Variants in PAQR4 observed in about 807,000 individuals in gnomAD.
PAQR4 encodes the protein progestin and adipoQ receptor family member 4.
Under a neutral mutation model 20.9 loss-of-function variants are expected in PAQR4, and 26 were observed. The observed-to-expected ratio is 1.24, with a 90% CI of 0.91 to 1.73. The LOEUF (loss-of-function observed/expected upper bound fraction) is 1.73. Among genes scored for constraint, PAQR4 ranks in the 40% most tolerant of loss-of-function variants. The pLI, the probability that PAQR4 is intolerant of heterozygous loss-of-function variation, is 0.00. For synonymous variants in PAQR4, 193 were observed against 171.6 expected, an observed-to-expected ratio of 1.12 and a Z score of -0.97; for missense variants, 400 against 380.1, an observed-to-expected ratio of 1.05 and a Z score of -0.44.
chr16:2,971,711 G>A lies in PAQR4; in HGVS notation c.585G>A (p.Leu195=), dbSNP rs35149676. ...TATTTGGGGCCCGGGGAGTGGGTCT[G>A]GGTTCAGGGGCTCCAGGCTCCCTGC... ...LLVFGARGVG[L]GSGAPGSLPC... The change falls in exon 3 of 3, where the codon CTG becomes CTA. Residue 195 remains leucine, a synonymous_variant. Coordinates refer to ENST00000318782, the MANE Select transcript of PAQR4 (RefSeq NM_152341.5). The A allele has an allele frequency of 6.2e-7, 1 of 1,612,508 alleles. No individual in the cohort carries two copies. The highest frequency in any genetic ancestry group is 8.5e-7 in the Non-Finnish European group (1 of 1,179,732).
Position 2,971,331 on chromosome 16 carries a change from G to C in PAQR4, c.341G>C (p.Arg114Pro), listed in dbSNP as rs754531674. The C allele has an allele frequency of 6.2e-7, 1 of 1,611,826 alleles. No homozygotes were observed. Among genetic ancestry groups the C allele is most frequent in the Non-Finnish European group, 8.5e-7 (1 of 1,180,008 alleles). The change falls in exon 2 of 3, where the codon CGG (arginine) becomes CCG (proline). Residue 114 changes from arginine (R) to proline (P), a missense_variant. Arg to Pro is a moderately radical substitution (Grantham distance 103). Transcript: ENST00000318782. ...CAAGGGGGCAGCGCTGTGTACGCCC[G>C]GCTCCTCGCCCTGGACATGTGTGGG... ...CHQGGSAVYA[R>P]LLALDMCGVC...
At chr16:2,971,086 T>G in intron 1 of PAQR4, 71 bp from the exon 2 acceptor site, 1 of 1,457,266 alleles carries the variant, frequency 6.9e-7, no homozygotes, top group Non-Finnish European at 9.5e-7. Flanking sequence ...CTGTCCTGTG[T>G]TGTGTCTGAA....
rs1418056540 is a variant in PAQR4, at chr16:2,972,638, G to T, written c.*690G>T. 1 of 1,535,656 alleles carries T rather than the reference G, an allele frequency of 6.5e-7. No individual in the cohort carries two copies. On this transcript the variant is annotated 3_prime_UTR_variant, in exon 3 of 3. Transcript: ENST00000318782. ...CCCAACAGCTCCAGGTACCCACCGG[G>T]GGATGTGCCTGCTCAGGAAACCTCT...
Position 2,972,017 on chromosome 16 carries a change from C to T in PAQR4, c.*69C>T, listed in dbSNP as rs2072010279. ...ACACCAGGTGTTCCTCCCAACTCGT[C>T]TGCAAGGGGCTGGCTCCTTGGATGC... On this transcript the variant is annotated 3_prime_UTR_variant, in exon 3 of 3. Coordinates refer to ENST00000318782, the MANE Select transcript of PAQR4 (RefSeq NM_152341.5). The T allele has an allele frequency of 1.4e-6, 2 of 1,413,144 alleles. No homozygotes were observed. The highest frequency in any genetic ancestry group is 2.4e-5 in the East Asian group (1 of 41,044). 87.5% of individuals were successfully genotyped at this position (1,413,144 alleles called of 1,614,324 possible).
At position 2,971,364 on chromosome 16, in the gene PAQR4, T is replaced by C. The variant is rs2071983715; in HGVS notation, c.374T>C (p.Leu125Pro). ...LLALDMCGVC[L>P]VNTLGALPII... ...GCCCTGGACATGTGTGGGGTCTGCC[T>C]TGTCAACACCCTTGGTGAGTCAGGG... Residue 125 changes from leucine (L) to proline (P), a missense_variant, in exon 2 of 3, where the codon CTT becomes CCT. By Grantham distance (98) the Leu-to-Pro change is moderately conservative. Coordinates refer to ENST00000318782, the MANE Select transcript of PAQR4 (RefSeq NM_152341.5). The C allele has an allele frequency of 6.2e-7, 1 of 1,609,654 alleles. No individual in the cohort carries two copies. Among genetic ancestry groups the C allele is most frequent in the Non-Finnish European group, 8.5e-7 (1 of 1,179,932 alleles).
At position 2,972,755 on chromosome 16, in the gene PAQR4, C is replaced by G. The variant is rs776639117; in HGVS notation, c.*807C>G. On this transcript the variant is annotated 3_prime_UTR_variant, in exon 3 of 3. Transcript: ENST00000318782. ...GCTCAGCCTCAGGGGCGTTAAGACCCTGGATGACATCAATAAAGGGACAGG... is the reference window on the plus strand; with the variant it reads ...GCTCAGCCTCAGGGGCGTTAAGACCGTGGATGACATCAATAAAGGGACAGG... 3.4e-5 allele frequency: 52 copies of G among 1,538,394 alleles called. No homozygotes were observed. The highest frequency in any genetic ancestry group is 4.4e-5 in the Non-Finnish European group (50 of 1,146,770).
In PAQR4 at chr16:2,972,385, C is replaced by A. The variant is rs758079203; in HGVS notation, c.*437C>A. 1.2e-4 allele frequency: 67 copies of A among 547,638 alleles called. No individual in the cohort carries two copies. The highest frequency in any genetic ancestry group is 1.7e-4 in the Non-Finnish European group (53 of 308,232). The allele number at this position is 547,638 out of a possible 1,614,324, so 33.9% of individuals were successfully genotyped here. A position where few individuals can be genotyped will look rare whatever the true frequency, so the allele number is the denominator to read the frequency against. Reference sequence around the variant, plus strand: ...TCCATCTTTCTGCCCTGCATACCAGCCCTCCCAGCAGCCACAAGCTTGCCC... The same window carrying A: ...TCCATCTTTCTGCCCTGCATACCAGACCTCCCAGCAGCCACAAGCTTGCCC... On this transcript the variant is annotated 3_prime_UTR_variant, in exon 3 of 3. Coordinates refer to ENST00000318782, the MANE Select transcript of PAQR4 (RefSeq NM_152341.5).
intron 1 of PAQR4, among the ~76,000 whole-genome samples, chr16:2,970,474 C>A (rs551209310): frequency 1.3e-5 from 2 of 152,230 alleles, no homozygotes; most frequent in African/African-American, 4.8e-5. Flanking sequence ...CCCCGTTTGG[C>A]CCCTGGGAGG....
In PAQR4 at chr16:2,971,302, C is replaced by T; in HGVS notation, c.312C>T (p.Cys104=). 1 of 1,612,784 alleles carries T rather than the reference C, an allele frequency of 6.2e-7. No individual in the cohort carries two copies. ...AGSVLYHLFM[C]HQGGSAVYAR... The stretch of plus-strand genomic sequence containing the variant: ...CCGTGCTCTATCACCTCTTTATGTG[C>T]CACCAAGGGGGCAGCGCTGTGTACG... Residue 104 remains cysteine, a synonymous_variant, in exon 2 of 3, where the codon TGC becomes TGT. Coordinates refer to ENST00000318782, the MANE Select transcript of PAQR4 (RefSeq NM_152341.5).
chr16:2,969,498 C>A lies in PAQR4; in HGVS notation c.-177C>A, dbSNP rs2071919953. The A allele has an allele frequency of 3.9e-6, 2 of 512,058 alleles. No homozygotes were observed. Among genetic ancestry groups the A allele is most frequent in the African/African-American group, 4.1e-5 (2 of 49,180 alleles). The allele number at this position is 512,058 out of a possible 1,614,324, so 31.7% of individuals were successfully genotyped here. On this transcript the variant is annotated 5_prime_UTR_variant, in exon 1 of 3. Transcript: ENST00000318782. ...GGGCGACGGACTCGCGCGTGCGCAG[C>A]GCCGGAGGGGCGCGGGCTGGGACCC...
In PAQR4 at chr16:2,971,373, C is replaced by T. The variant is rs1006764047; in HGVS notation, c.383C>T (p.Thr128Ile). Residue 128 changes from threonine (T) to isoleucine (I), a missense_variant, in exon 2 of 3, where the codon ACC becomes ATC. Physicochemically the swap from Thr to Ile is moderately conservative, Grantham distance 89 (BLOSUM62 -1). Coordinates refer to ENST00000318782, the MANE Select transcript of PAQR4 (RefSeq NM_152341.5). ...LDMCGVCLVN[T>I]LGALPIIHCT... is the part of the protein sequence containing the mutation. ...ATGTGTGGGGTCTGCCTTGTCAACA[C>T]CCTTGGTGAGTCAGGGCCCAAGGGA... 1.9e-6 allele frequency: 3 copies of T among 1,608,144 alleles called. No homozygotes were observed. The highest frequency in any genetic ancestry group is 1.7e-4 in the Middle Eastern group (1 of 6,058).
Position 2,973,441 on chromosome 16 carries a change from A to G in PAQR4, c.*1493A>G, listed in dbSNP as rs1417515793. On this transcript the variant is annotated 3_prime_UTR_variant, in exon 3 of 3. Coordinates refer to ENST00000318782, the MANE Select transcript of PAQR4 (RefSeq NM_152341.5). Reference sequence around the variant, plus strand: ...GCCCCCTCTGTCCTTTTCAGAACACATGGACTTGGAGGCAGATTTGAAATA... The same window carrying G: ...GCCCCCTCTGTCCTTTTCAGAACACGTGGACTTGGAGGCAGATTTGAAATA... 7 of 1,527,712 alleles carry G rather than the reference A, an allele frequency of 4.6e-6. No individual in the cohort carries two copies. In the Admixed American group the frequency reaches 9.9e-5, roughly 22 times the overall value. 94.6% of individuals were successfully genotyped at this position (1,527,712 alleles called of 1,614,324 possible).
At chr16:2,970,432 C>T (rs1005155209) in intron 1 of PAQR4, among the ~76,000 whole-genome samples, 1 of 152,242 alleles carries the variant, frequency 6.6e-6, no homozygotes, top group South Asian at 2.1e-4. Flanking sequence ...TTTGCCAGGC[C>T]ACATTCTCAC....
rs771735329 is a variant in PAQR4 at position 2,971,904 on chromosome 16, C to A, written c.778C>A (p.Pro260Thr). 2.0e-5 allele frequency: 32 copies of A among 1,605,556 alleles called. No individual in the cohort carries two copies. Among genetic ancestry groups the A allele is most frequent in the Non-Finnish European group, 2.7e-5 (32 of 1,179,250 alleles). ...SILQLHAGVVPDLLWAAHHAC... is the reference protein window; with the variant it reads ...SILQLHAGVVTDLLWAAHHAC... ...CCTGCAGCTGCACGCCGGCGTCGTG[C>A]CCGACCTGCTCTGGGCTGCCCACCA... is the stretch of plus-strand genomic sequence containing the variant. The change falls in exon 3 of 3, where the codon CCC becomes ACC. Residue 260 changes from proline (P) to threonine (T), a missense_variant. Coordinates refer to ENST00000318782, the MANE Select transcript of PAQR4 (RefSeq NM_152341.5).
rs2072023001 is a variant in PAQR4, at chr16:2,972,502, C to T, written c.*554C>T. 9.7e-7 allele frequency: 1 copy of T among 1,034,180 alleles called. No homozygotes were observed. The highest frequency in any genetic ancestry group is 1.4e-6 in the Non-Finnish European group (1 of 726,798). The allele number at this position is 1,034,180 out of a possible 1,614,324, so 64.1% of individuals were successfully genotyped here. On this transcript the variant is annotated 3_prime_UTR_variant, in exon 3 of 3. Coordinates refer to ENST00000318782, the MANE Select transcript of PAQR4 (RefSeq NM_152341.5). ...GGACCCGTCTTGTACCAGCTGGCCA[C>T]AGGCACAAGGGCTGCAGCTGCTTCT...
chr16:2,969,843 G>C lies in PAQR4; in HGVS notation c.166+3G>C, dbSNP rs770282739. The C allele has an allele frequency of 1.9e-6, 3 of 1,609,564 alleles. No individual in the cohort carries two copies. In the African/African-American group the frequency reaches 4.0e-5, roughly 22 times the overall value. ...ACTGGGCAACATCTACACGCACGGTGAGCCGCGTCCCGCAACGCGCTTCCC... is the reference window on the plus strand; with the variant it reads ...ACTGGGCAACATCTACACGCACGGTCAGCCGCGTCCCGCAACGCGCTTCCC... On this transcript the variant is annotated splice_donor_region_variant and intron_variant, in intron 1 of 2. Transcript: ENST00000318782.
intron 1 of PAQR4, 23 bp from the exon 2 acceptor site, chr16:2,971,134 T>C: frequency 1.9e-6 from 3 of 1,609,210 alleles, no homozygotes; most frequent in Non-Finnish European, 2.5e-6. Flanking sequence ...AACTATCTGG[T>C]AGATGACTGT....
intron 1 of PAQR4, among the ~76,000 whole-genome samples, chr16:2,970,635 C>T (rs1342784175): frequency 6.6e-6 from 1 of 152,228 alleles, no homozygotes. Flanking sequence ...CACCTGGCCT[C>T]ACCCCTTTAT....
Position 2,973,190 on chromosome 16 carries a change from G to A in PAQR4, c.*1242G>A. On this transcript the variant is annotated 3_prime_UTR_variant, in exon 3 of 3. Transcript: ENST00000318782. ...GAGGTGCTCCCCACAGTCCGGGCCA[G>A]GACAGCCTCAGGGGAGAGTGAAGGC... The A allele has an allele frequency of 6.6e-7, 1 of 1,522,630 alleles. No homozygotes were observed. The highest frequency in any genetic ancestry group is 8.8e-7 in the Non-Finnish European group (1 of 1,130,468). 94.3% of individuals were successfully genotyped at this position (1,522,630 alleles called of 1,614,324 possible).
Sources: gnomAD v4.1 joint callset for allele counts (sites outside exome capture counted in the v4.1 genomes callset) on GRCh38, gnomAD v4.1.1 for gene constraint, MANE v1.5 for transcripts, NCBI Gene and HGNC (gene_info 2026-07-23, HGNC 2026-07-21) for gene names.